UNC13C: variants seen among roughly 807,000 people sequenced by gnomAD.
UNC13C encodes protein unc-13 homolog C.
A neutral mutation model predicts 245.4 loss-of-function variants in UNC13C; 174 were observed. That is an observed-to-expected ratio of 0.71 (90% CI 0.63 to 0.80). The LOEUF is 0.80. UNC13C is among the 30% of genes least tolerant of loss of function. UNC13C has a pLI of 0.00. For missense variants in UNC13C, 2,829 were observed against 2,602.9 expected, an observed-to-expected ratio of 1.09 and a Z score of -1.89; for synonymous variants, 992 against 895.1, an observed-to-expected ratio of 1.11 and a Z score of -1.93.
At chr15:54,532,455 A>T (rs1404217501) in intron 25 of UNC13C, among the ~76,000 whole-genome samples, 1 of 152,240 alleles carries the variant, frequency 6.6e-6, no homozygotes, top group Non-Finnish European at 1.5e-5. Context: ...AGACTGGATA[A>T]AGAAACTATG....
the UNC13C span, among the ~76,000 whole-genome samples, chr15:53,946,262 A>G: frequency 5.3e-5 from 8 of 152,206 alleles, no homozygotes; most frequent in African/African-American, 1.9e-4. Flanking sequence ...CAGGACTTCT[A>G]GTACAATGTT....
chr15:54,366,173 A>G (rs148062652), intron 17 of UNC13C, among the ~76,000 whole-genome samples: 95 of 152,268 alleles, frequency 6.2e-4, no homozygotes, highest in African/African-American at 2.2e-3. Context: ...ATCGTTTATT[A>G]TGGTTATTCT....
intron 7 of UNC13C, among the ~76,000 whole-genome samples, chr15:54,246,416 T>TTTG (rs2035994084): frequency 7.5e-6 from 1 of 134,094 alleles, no homozygotes; most frequent in Middle Eastern, 3.6e-3. Flanking sequence ...AAATAATGTT[T>TTTG]TTTTTTTTTT....
intron 20 of UNC13C, 83 bp from the exon 21 acceptor site, chr15:54,499,996 T>C (rs1269056175): frequency 9.9e-7 from 1 of 1,013,214 alleles, no homozygotes; most frequent in African/African-American, 1.7e-5. Context: ...TAAATTACTC[T>C]CATATGCAAA....
the UNC13C span, among the ~76,000 whole-genome samples, chr15:53,947,308 T>C: frequency 3.3e-5 from 5 of 152,186 alleles, no homozygotes; most frequent in African/African-American, 1.2e-4. Context: ...CACAACATCA[T>C]ATTTAGAGCA....
intron 22 of UNC13C, among the ~76,000 whole-genome samples, chr15:54,506,556 A>G (rs1184140719): frequency 6.6e-6 from 1 of 152,066 alleles, no homozygotes; most frequent in Admixed American, 6.6e-5. Context: ...TCTGTGTGTT[A>G]TCTCTTATTT....
chr15:54,050,386 T>A lies in UNC13C; in HGVS notation c.2983+34500T>A, dbSNP rs182512976. On this transcript the variant is annotated intron_variant, in intron 2 of 32. Coordinates refer to ENST00000260323, the MANE Select transcript of UNC13C (RefSeq NM_001080534.3). ...AAGGCACTCCTCCTTTTTCTGTACT[T>A]GATAAGTATATTTTCTGGGAATATT... 254 of 558,716 alleles carry A rather than the reference T, an allele frequency of 4.5e-4. 3 individuals are homozygous for A. The highest frequency in any genetic ancestry group is 4.2e-3 in the African/African-American group (222 of 52,656). The allele number at this position is 558,716 out of a possible 1,614,324, so 34.6% of individuals were successfully genotyped here. A position where few individuals can be genotyped will look rare whatever the true frequency, so the allele number is the denominator to read the frequency against.
chr15:53,998,019 T>A (rs375978931), intron 1 of UNC13C, among the ~76,000 whole-genome samples: 13 of 152,160 alleles, frequency 8.5e-5, no homozygotes, highest in African/African-American at 2.9e-4. Context: ...CCCAGGCTGG[T>A]CTAGAATTCC....
intron 19 of UNC13C, among the ~76,000 whole-genome samples, chr15:54,476,795 C>A: frequency 6.7e-6 from 1 of 149,444 alleles, no homozygotes; most frequent in Non-Finnish European, 1.5e-5. Context: ...GATGCGGGCT[C>A]TTTTTTGGTT....
At chr15:54,094,488 C>T (rs951624844) in intron 2 of UNC13C, among the ~76,000 whole-genome samples, 6 of 152,130 alleles carry the variant, frequency 3.9e-5, no homozygotes, top group Non-Finnish European at 8.8e-5. Context: ...GTGCTTTGAG[C>T]TAACTATGTA....
At chr15:54,064,585 G>C (rs987143117) in intron 2 of UNC13C, among the ~76,000 whole-genome samples, 2 of 152,186 alleles carry the variant, frequency 1.3e-5, no homozygotes, top group Admixed American at 6.5e-5. Flanking sequence ...AGCTCATTCA[G>C]AATAATTAAA....
chr15:54,224,860 C>T (rs2035330222), intron 4 of UNC13C, among the ~76,000 whole-genome samples: 1 of 152,038 alleles, frequency 6.6e-6, no homozygotes, highest in African/African-American at 2.4e-5. Context: ...GAATCTCTTC[C>T]TGGTTTAATT....
chr15:54,535,880 G>T (rs1031424939), intron 26 of UNC13C, among the ~76,000 whole-genome samples: 6 of 151,992 alleles, frequency 3.9e-5, no homozygotes, highest in African/African-American at 1.4e-4. Context: ...TCAACATCCA[G>T]ATCAAAAAGT....
At chr15:54,169,880 A>G (rs1241829083) in intron 4 of UNC13C, among the ~76,000 whole-genome samples, 1 of 152,044 alleles carries the variant, frequency 6.6e-6, no homozygotes, top group East Asian at 1.9e-4. Context: ...CTTTTTCTTC[A>G]GGGAACATTT....
chr15:54,528,261 G>A (rs1167019750), intron 25 of UNC13C, among the ~76,000 whole-genome samples: 1 of 151,770 alleles, frequency 6.6e-6, no homozygotes, highest in African/African-American at 2.4e-5. Flanking sequence ...CTTTCAAAAG[G>A]TGTGCCACTA....
chr15:54,128,919 C>CTTGCTT (rs1476159680), intron 2 of UNC13C, among the ~76,000 whole-genome samples: 1 of 152,172 alleles, frequency 6.6e-6, no homozygotes, highest in African/African-American at 2.4e-5. Flanking sequence ...CTAGGCCTCT[C>CTTGCTT]AACTGGGTCA....
chr15:54,270,661 G>C (rs1194214129), intron 10 of UNC13C, among the ~76,000 whole-genome samples: 5 of 151,948 alleles, frequency 3.3e-5, no homozygotes, highest in Non-Finnish European at 7.4e-5. Flanking sequence ...TGAATAGGTT[G>C]CTGTAAAAAG....
chr15:54,050,847 G>C (rs1897243712), intron 2 of UNC13C: 2 of 574,310 alleles, frequency 3.5e-6, no homozygotes, highest in Non-Finnish European at 6.9e-6. Context: ...TGATGCTTTG[G>C]TTCTCTTAAA....
intron 7 of UNC13C, among the ~76,000 whole-genome samples, chr15:54,247,416 C>A (rs926733151): frequency 1.3e-5 from 2 of 152,108 alleles, no homozygotes; most frequent in African/African-American, 2.4e-5. Flanking sequence ...ATACAAGAAT[C>A]CTCTATTATG....
Sources: allele counts gnomAD v4.1 joint callset (sites outside exome capture counted in the v4.1 genomes callset), GRCh38; gene constraint gnomAD v4.1.1; transcripts MANE v1.5; gene names NCBI Gene and HGNC (gene_info 2026-07-23, HGNC 2026-07-21).